The following HIVEP3 variants were observed in gnomAD, a reference collection of about 807,000 sequenced individuals.
HIVEP3 encodes the protein transcription factor HIVEP3.
Under a neutral mutation model 152.8 loss-of-function variants are expected in HIVEP3, and 49 were observed. The ratio of observed to expected loss-of-function variants is 0.32; its 90% CI spans 0.26 to 0.41. The LOEUF (loss-of-function observed/expected upper bound fraction) is 0.41, where lower values mean the gene tolerates loss of function less well. Among genes scored for constraint, HIVEP3 ranks in the 10% least tolerant of loss-of-function variants. The probability of loss-of-function intolerance (pLI) is 1.00; values close to 1 mark genes in which losing one functional copy is unlikely to be tolerated. For missense variants in HIVEP3, 2,790 were observed against 3,103.3 expected (o/e 0.90, Z 2.40); for synonymous variants, 1,269 against 1,289.0 (o/e 0.98, Z 0.33).
intron 1 of HIVEP3, among the ~76,000 whole-genome samples, chr1:41,724,228 G>T (rs1288308845): frequency 6.6e-6 from 1 of 152,186 alleles, no homozygotes; most frequent in Non-Finnish European, 1.5e-5. Context: ...TAGGTTAAAA[G>T]TGTGCTTATT....
At chr1:41,608,579 T>C (rs1412603432) in intron 3 of HIVEP3, among the ~76,000 whole-genome samples, 2 of 152,236 alleles carry the variant, frequency 1.3e-5, no homozygotes, top group African/African-American at 4.8e-5. Context: ...TTGTTGGCTC[T>C]CAGCTTGAAC....
intron 2 of HIVEP3, among the ~76,000 whole-genome samples, chr1:41,672,767 T>A (rs1224679013): frequency 4.6e-5 from 7 of 152,076 alleles, no homozygotes; most frequent in Admixed American, 4.6e-4. Context: ...ATCTGGCCAG[T>A]TCAGGTGGGG....
intron 1 of HIVEP3, among the ~76,000 whole-genome samples, chr1:41,994,498 T>A (rs181617279): frequency 6.6e-6 from 1 of 152,296 alleles, no homozygotes; most frequent in Non-Finnish European, 1.5e-5. Context: ...GCTGTTCTCA[T>A]GATAGTGAAT....
chr1:41,615,928 T>G (rs1377625628), intron 3 of HIVEP3, among the ~76,000 whole-genome samples: 1 of 151,724 alleles, frequency 6.6e-6, no homozygotes, highest in Non-Finnish European at 1.5e-5. Context: ...TATTTTATAT[T>G]TGTTAAATAT....
At chr1:41,903,680 G>A (rs1644662336) in intron 1 of HIVEP3, among the ~76,000 whole-genome samples, 1 of 152,150 alleles carries the variant, frequency 6.6e-6, no homozygotes, top group African/African-American at 2.4e-5. Flanking sequence ...AAGAGTTGAT[G>A]GGCAGCTGGG....
intron 2 of HIVEP3, among the ~76,000 whole-genome samples, chr1:41,674,984 A>G (rs1645933264): frequency 6.6e-6 from 1 of 152,104 alleles, no homozygotes; most frequent in African/African-American, 2.4e-5. Flanking sequence ...AATTCTTAAA[A>G]TGCTGGCACA....
chr1:41,858,198 C>G (rs1177861600), intron 1 of HIVEP3, among the ~76,000 whole-genome samples: 1 of 149,268 alleles, frequency 6.7e-6, no homozygotes, highest in African/African-American at 2.4e-5. Context: ...GATGCTACCA[C>G]AGCACTCTGC....
At chr1:41,997,857 G>A (rs1015229995) in intron 1 of HIVEP3, among the ~76,000 whole-genome samples, 4 of 152,152 alleles carry the variant, frequency 2.6e-5, no homozygotes, top group African/African-American at 4.8e-5. Context: ...GTGAGAACTC[G>A]AAGGGGCTAA....
intron 1 of HIVEP3, 29 bp from the exon 2 acceptor site, chr1:41,701,024 T>C (rs1490055047): frequency 1.9e-5 from 18 of 929,218 alleles, no homozygotes; most frequent in East Asian, 1.2e-4. Context: ...GTGAGAATAT[T>C]ATGCCACCGC....
intron 5 of HIVEP3, among the ~76,000 whole-genome samples, chr1:41,529,628 C>T (rs1219554155): frequency 6.8e-6 from 1 of 146,178 alleles, no homozygotes; most frequent in South Asian, 2.2e-4. Context: ...CCCCACACCC[C>T]CCACACCCTC....
chr1:41,910,975 A>C (rs1356498975), intron 1 of HIVEP3, among the ~76,000 whole-genome samples: 1 of 152,118 alleles, frequency 6.6e-6, no homozygotes, highest in Admixed American at 6.5e-5. Flanking sequence ...TTTAAAAGAC[A>C]CAAAATGTTC....
At chr1:41,663,482 A>G (rs1645750208) in intron 2 of HIVEP3, among the ~76,000 whole-genome samples, 1 of 152,218 alleles carries the variant, frequency 6.6e-6, no homozygotes, top group African/African-American at 2.4e-5. Flanking sequence ...TGGAGGCTCC[A>G]GGTTTCCTCT....
chr1:41,786,598 C>T (rs1649361022), intron 1 of HIVEP3, among the ~76,000 whole-genome samples: 1 of 152,200 alleles, frequency 6.6e-6, no homozygotes, highest in South Asian at 2.1e-4. Context: ...TTCAGCCCTA[C>T]AGCGGCTGCA....
At chr1:41,941,237 A>G (rs897244416) in intron 1 of HIVEP3, among the ~76,000 whole-genome samples, 1 of 152,192 alleles carries the variant, frequency 6.6e-6, no homozygotes, top group Non-Finnish European at 1.5e-5. Flanking sequence ...GCAAGCAGTC[A>G]AGGAAGAGGT....
At chr1:41,534,994 C>T (rs1643363031) in intron 5 of HIVEP3, among the ~76,000 whole-genome samples, 2 of 152,126 alleles carry the variant, frequency 1.3e-5, no homozygotes, top group Admixed American at 1.3e-4. Flanking sequence ...ACCTGAGACA[C>T]GGCAGAGCAC....
At chr1:41,678,184 A>C (rs949155166) in intron 2 of HIVEP3, among the ~76,000 whole-genome samples, 1 of 152,164 alleles carries the variant, frequency 6.6e-6, no homozygotes, top group Non-Finnish European at 1.5e-5. Context: ...GGCGATCCCC[A>C]CAGCCTGTTC....
chr1:41,545,350 TCATCGC>T (rs1643736617), intron 5 of HIVEP3, among the ~76,000 whole-genome samples: 2 of 27,834 alleles, frequency 7.2e-5, no homozygotes, highest in African/African-American at 1.7e-4. Context: ...ACCACCACCA[TCATCGC>T]CACCATCACC....
In HIVEP3 at chr1:41,583,770, T is replaced by C. The variant is rs749666542; in HGVS notation, c.1028A>G (p.Glu343Gly). The change falls in exon 4 of 9, where the codon GAA (glutamate) becomes GGA (glycine). Residue 343 changes from glutamate (E) to glycine (G), a missense_variant. Physicochemically the swap from Glu to Gly is moderately conservative, Grantham distance 98 (BLOSUM62 -2). Transcript: ENST00000372583. This position sits in a 1 kb window ranked among gnomAD's most constrained non-coding sequence, Gnocchi z 6.9. ...GCTCAGGGGGTGCTCAGATGAGGGT[T>C]CCACAAATGGAGGGGGGTCTTCGAG... ...QSLEDPPPFV[E>G]PSSEHPLSHK... is the part of the protein sequence containing the mutation. The C allele has an allele frequency of 6.3e-7, 1 of 1,591,934 alleles. No individual in the cohort carries two copies. Among genetic ancestry groups the C allele is most frequent in the Admixed American group, 1.7e-5 (1 of 58,532 alleles).
intron 5 of HIVEP3, among the ~76,000 whole-genome samples, chr1:41,527,165 C>CCCTCAT: frequency 7.1e-6 from 1 of 140,266 alleles, no homozygotes. Context: ...CATCCTCTCA[C>CCCTCAT]ACACCCACAC....
Sources: gnomAD v4.1 joint callset for allele counts (sites outside exome capture counted in the v4.1 genomes callset) on GRCh38, gnomAD v4.1.1 for gene constraint, Gnocchi (gnomAD v3.1) non-coding constraint, MANE v1.5 for transcripts, NCBI Gene and HGNC (gene_info 2026-07-23, HGNC 2026-07-21) for gene names.